The following WDR59 variants were observed in gnomAD, a reference collection of about 807,000 sequenced individuals.
The protein encoded by WDR59 is WD repeat domain 59.
Under a neutral mutation model 131.2 loss-of-function variants are expected in WDR59, and 100 were observed. The observed-to-expected ratio is 0.76, with a 90% CI of 0.65 to 0.90. The LOEUF (loss-of-function observed/expected upper bound fraction) is 0.90, where lower values mean the gene tolerates loss of function less well. WDR59 is among the 40% of genes least tolerant of loss of function. The probability of loss-of-function intolerance (pLI) is 0.00; values close to 1 mark genes in which losing one functional copy is unlikely to be tolerated. For missense variants in WDR59, 1,203 were observed against 1,262.2 expected, an observed-to-expected ratio of 0.95 and a Z score of 0.71; for synonymous variants, 601 against 466.2, an observed-to-expected ratio of 1.29 and a Z score of -3.72.
intron 13 of WDR59, among the ~76,000 whole-genome samples, chr16:74,915,142 C>CCAGCACAGCACAGCA (rs997206973): frequency 6.6e-6 from 1 of 152,124 alleles, no homozygotes; most frequent in Admixed American, 6.5e-5. Flanking sequence ...ATGGCACAGC[C>CCAGCACAGCACAGCA]CAGCACAGCA....
intron 1 of WDR59, among the ~76,000 whole-genome samples, chr16:74,976,656 T>C (rs547122787): frequency 2.0e-5 from 3 of 152,288 alleles, no homozygotes; most frequent in South Asian, 2.1e-4. Flanking sequence ...TTAGCCAGGA[T>C]GGTCTCGATC....
chr16:74,912,940 G>T (rs918726728), intron 13 of WDR59, among the ~76,000 whole-genome samples: 1 of 152,174 alleles, frequency 6.6e-6, no homozygotes, highest in African/African-American at 2.4e-5. Context: ...CCCTGGGTGG[G>T]CCAGGTGTTC....
chr16:74,951,877 C>A (rs2033019782), intron 3 of WDR59, among the ~76,000 whole-genome samples: 1 of 152,146 alleles, frequency 6.6e-6, no homozygotes, highest in Non-Finnish European at 1.5e-5. Flanking sequence ...ACTAGAGGAA[C>A]CTCCTCCCTC....
In WDR59 at chr16:74,937,276, T is replaced by C. The variant is rs1031419432; in HGVS notation, c.651+874A>G. On this transcript the variant is annotated intron_variant, in intron 8 of 25. Transcript: ENST00000262144. ...AACACATAAAATCTTGAGCATTTCC[T>C]GTAAGTTAGAGAATCACTAATAAAA... is the stretch of plus-strand genomic sequence containing the variant. Among the ~76,000 whole-genome samples the C allele has an allele frequency of 7.2e-5, 11 of 152,248 alleles. No individual in the cohort carries two copies. The East Asian group carries it at 9.6e-4, about 13-fold the overall frequency.
intron 10 of WDR59, among the ~76,000 whole-genome samples, chr16:74,921,449 C>T (rs1224268825): frequency 1.3e-5 from 2 of 152,174 alleles, no homozygotes; most frequent in Non-Finnish European, 2.9e-5. Flanking sequence ...CCAAAACTAC[C>T]GGTCAACCCC....
intron 20 of WDR59, among the ~76,000 whole-genome samples, chr16:74,891,744 G>A (rs551305060): frequency 6.6e-6 from 1 of 152,324 alleles, no homozygotes; most frequent in East Asian, 1.9e-4. Context: ...CCAACATGGT[G>A]AAACCCCATC....
chr16:74,922,331 C>T (rs566419026), intron 9 of WDR59, among the ~76,000 whole-genome samples: 21 of 152,284 alleles, frequency 1.4e-4, no homozygotes, highest in African/African-American at 3.9e-4. Flanking sequence ...CTGAGGCAAG[C>T]GCTTGAAGAA....
chr16:74,908,016 T>A (rs911171489), intron 17 of WDR59, among the ~76,000 whole-genome samples: 4 of 152,160 alleles, frequency 2.6e-5, no homozygotes, highest in African/African-American at 7.2e-5. Flanking sequence ...AAAGAAAAAC[T>A]TTTTTTAATG....
intron 2 of WDR59, among the ~76,000 whole-genome samples, chr16:74,964,379 C>CAAAAAA (rs10626995): frequency 2.1e-5 from 3 of 141,956 alleles, no homozygotes; most frequent in Admixed American, 7.0e-5. Context: ...AACATCATCT[C>CAAAAAA]AAAAAAAAAA....
chr16:74,981,660 A>ATATATATTTTTTTTTT (rs1567451007), intron 1 of WDR59, among the ~76,000 whole-genome samples: 1 of 80,864 alleles, frequency 1.2e-5, no homozygotes. Context: ...ATATATATAT[A>ATATATATTTTTTTTTT]TTTTTTTTTT....
intron 7 of WDR59, among the ~76,000 whole-genome samples, chr16:74,938,627 C>T (rs1003827203): frequency 2.0e-5 from 3 of 152,118 alleles, no homozygotes; most frequent in Non-Finnish European, 4.4e-5. Context: ...GCCTCAACTT[C>T]CTGGGCTCAA....
intron 20 of WDR59, among the ~76,000 whole-genome samples, chr16:74,890,929 T>C (rs1179179556): frequency 6.6e-6 from 1 of 151,672 alleles, no homozygotes; most frequent in African/African-American, 2.4e-5. Flanking sequence ...GCCTGGCCAA[T>C]ATGGTGAAAC....
intron 1 of WDR59, chr16:74,984,739 T>A: frequency 1.7e-6 from 1 of 600,024 alleles, no homozygotes; most frequent in Non-Finnish European, 2.9e-6. Flanking sequence ...CCCACTCCCC[T>A]ACCCGCGTAG....
In WDR59 at chr16:74,893,588, T is replaced by G. The variant is rs78529113; in HGVS notation, c.2000+91A>C. 2.4e-3 allele frequency: 3,338 copies of G among 1,414,598 alleles called. 66 individuals are homozygous for G. The African/African-American group carries it at 0.042, about 18-fold the overall frequency. 87.6% of individuals were successfully genotyped at this position (1,414,598 alleles called of 1,614,324 possible). On this transcript the variant is annotated intron_variant, in intron 19 of 25. Coordinates refer to ENST00000262144, the MANE Select transcript of WDR59 (RefSeq NM_030581.4). ...ATTGGGCTTTTCCTAAAACTGCTTT[T>G]GAAGAAAGGATTCCCACACTCAAAA...
At chr16:74,909,407 C>G in intron 16 of WDR59, 94 bp downstream of exon 16, 24 of 1,415,026 alleles carry the variant, frequency 1.7e-5, no homozygotes, top group Non-Finnish European at 2.1e-5. Context: ...GGAGTAAAAG[C>G]AAACATTTTC....
At chr16:74,886,601 C>T in intron 23 of WDR59, 1 of 548,158 alleles carries the variant, frequency 1.8e-6, no homozygotes, top group Middle Eastern at 5.2e-4. Flanking sequence ...AGAACTTGAT[C>T]ACTAAGTACA....
rs751092901 is a variant in WDR59, at chr16:74,889,698, C to T, written c.2195+5G>A. The T allele has an allele frequency of 6.2e-7, 1 of 1,611,168 alleles. No homozygotes were observed. The highest frequency in any genetic ancestry group is 1.1e-5 in the South Asian group (1 of 90,578). ...TTTTTCTCATTTTTAGCTCTCAAAA[C>T]CTACAGGGACTCCAGCAGCTGCCGC... On this transcript the variant is annotated splice_donor_5th_base_variant and intron_variant, in intron 21 of 25. Coordinates refer to ENST00000262144, the MANE Select transcript of WDR59 (RefSeq NM_030581.4).
chr16:74,913,168 G>A (rs895363335), intron 13 of WDR59, among the ~76,000 whole-genome samples: 1 of 152,110 alleles, frequency 6.6e-6, no homozygotes, highest in African/African-American at 2.4e-5. Context: ...ACTTCTTGCA[G>A]GAGTCAAGAT....
intron 15 of WDR59, 47 bp from the exon 16 acceptor site, chr16:74,909,704 G>C: frequency 6.4e-7 from 1 of 1,554,048 alleles, no homozygotes; most frequent in Non-Finnish European, 8.7e-7. Flanking sequence ...CTGTCTTAAA[G>C]CTGAACTACA....
Sources: allele counts gnomAD v4.1 joint callset (sites outside exome capture counted in the v4.1 genomes callset), GRCh38; gene constraint gnomAD v4.1.1; transcripts MANE v1.5; gene names NCBI Gene and HGNC (gene_info 2026-07-23, HGNC 2026-07-21).